Variants in COX4I1 observed in about 807,000 individuals in gnomAD.
The protein encoded by COX4I1 is cytochrome c oxidase subunit 4I1, also known as cytochrome c oxidase subunit 4 isoform 1, mitochondrial.
Under a neutral mutation model 21.7 loss-of-function variants are expected in COX4I1, and 18 were observed. The observed-to-expected ratio is 0.83, with a 90% CI of 0.57 to 1.23. COX4I1 has a LOEUF of 1.23. COX4I1 is among the 50% of genes most tolerant of loss of function. COX4I1 has a pLI of 0.00. For missense variants in COX4I1, 238 were observed against 220.7 expected, an observed-to-expected ratio of 1.08 and a Z score of -0.50; for synonymous variants, 100 against 81.5, an observed-to-expected ratio of 1.23 and a Z score of -1.23.
intron 4 of COX4I1, chr16:85,806,525 T>G (rs1377620826): frequency 4.0e-6 from 3 of 741,812 alleles, no homozygotes; most frequent in Non-Finnish European, 7.1e-6. Context: ...GCTTTTAGCT[T>G]ATTTTGTTGC....
chr16:85,800,339 T>C (rs958951965), intron 1 of COX4I1, among the ~76,000 whole-genome samples: 1 of 152,206 alleles, frequency 6.6e-6, no homozygotes, highest in Non-Finnish European at 1.5e-5. Context: ...TTGATGGGCC[T>C]GAATAGAGGA....
intron 2 of COX4I1, chr16:85,804,264 G>A (rs1240957281): frequency 6.6e-6 from 1 of 152,250 alleles, no homozygotes; most frequent in Non-Finnish European, 1.5e-5. Flanking sequence ...TCATTAGTTT[G>A]AGTCCCTTGC....
chr16:85,801,347 C>A, intron 2 of COX4I1, 69 bp downstream of exon 2: 2 of 1,394,396 alleles, frequency 1.4e-6, no homozygotes, highest in Non-Finnish European at 2.0e-6. Context: ...GTGTATAAAG[C>A]CCTGTGCTGG....
chr16:85,800,532 C>T (rs1053850324), intron 1 of COX4I1, among the ~76,000 whole-genome samples: 1 of 152,232 alleles, frequency 6.6e-6, no homozygotes. Flanking sequence ...CACCTCCCCC[C>T]ACCGCTCCCT....
Position 85,807,012 on chromosome 16 carries a change from A to T in COX4I1, c.*138A>T. The T allele has an allele frequency of 2.3e-6, 2 of 872,692 alleles. No homozygotes were observed. Among genetic ancestry groups the T allele is most frequent in the Non-Finnish European group, 3.5e-6 (2 of 576,240 alleles). 54.1% of individuals were successfully genotyped at this position (872,692 alleles called of 1,614,324 possible). A position where few individuals can be genotyped will look rare whatever the true frequency, so the allele number is the denominator to read the frequency against. ...ACCAGTTTACCTGAAACCCTTTGTG[A>T]TCAGTTCTTTAATGATACCTAAATG... On this transcript the variant is annotated 3_prime_UTR_variant, in exon 5 of 5. Transcript: ENST00000253452.
intron 1 of COX4I1, among the ~76,000 whole-genome samples, chr16:85,800,133 T>C (rs1340075746): frequency 1.3e-5 from 2 of 151,924 alleles, no homozygotes; most frequent in African/African-American, 4.8e-5. Flanking sequence ...TTTGCGGGGC[T>C]CCCGGGCGGC....
At chr16:85,804,598 C>G (rs996340273) in intron 2 of COX4I1, 1 of 179,824 alleles carries the variant, frequency 5.6e-6, no homozygotes, top group African/African-American at 2.4e-5. Context: ...CATCGTGATC[C>G]GCCTGCCTGG....
chr16:85,803,409 A>G (rs919322305), intron 2 of COX4I1: 3 of 152,228 alleles, frequency 2.0e-5, no homozygotes, highest in African/African-American at 7.2e-5. Context: ...TGTTCACATG[A>G]TTTGGGTGAT....
chr16:85,805,141 C>G, intron 3 of COX4I1, 37 bp downstream of exon 3: 2 of 1,583,762 alleles, frequency 1.3e-6, no homozygotes, highest in Admixed American at 3.6e-5. Context: ...CGCCCAGCAG[C>G]TCTCGGAAGC....
rs11557187 is a variant in COX4I1, at chr16:85,801,212, G to A, written c.7G>A (p.Ala3Thr). The A allele has an allele frequency of 0.067, 107,786 of 1,604,934 alleles. 5,401 individuals carry two copies. Among genetic ancestry groups the A allele is most frequent in the East Asian group, 0.29 (13,028 of 44,574 alleles). Residue 3 changes from alanine (A) to threonine (T), a missense_variant, in exon 2 of 5, where the codon GCT (alanine) becomes ACT (threonine). Coordinates refer to ENST00000253452, the MANE Select transcript of COX4I1 (RefSeq NM_001861.6). ML[A>T]TRVFSLVGKR... ...TACATTTTTATCTTTCAGAATGTTG[G>A]CTACCAGGGTATTTAGCCTAGTTGG... is the stretch of plus-strand genomic sequence containing the variant.
chr16:85,806,292 G>C, intron 4 of COX4I1: 1 of 606,530 alleles, frequency 1.6e-6, no homozygotes, highest in South Asian at 2.0e-5. Flanking sequence ...TAGTTTGTGT[G>C]TGGGCATTGC....
rs566138523 is a variant in COX4I1, at chr16:85,804,860, C to T, written c.74-77C>T. On this transcript the variant is annotated intron_variant, in intron 2 of 4. Coordinates refer to ENST00000253452, the MANE Select transcript of COX4I1 (RefSeq NM_001861.6). ...TCAAGGCGTGCACATGTCTGTGTTT[C>T]GGTTTTCAGAAGTATCACCTTGGGG... is the stretch of plus-strand genomic sequence containing the variant. The T allele has an allele frequency of 2.4e-5, 32 of 1,349,910 alleles. No homozygotes were observed. The South Asian group carries it at 2.5e-4, about 10-fold the overall frequency. The allele number at this position is 1,349,910 out of a possible 1,614,324, so 83.6% of individuals were successfully genotyped here.
At chr16:85,802,737 TTC>T (rs1273055207) in intron 2 of COX4I1, among the ~76,000 whole-genome samples, 1 of 152,182 alleles carries the variant, frequency 6.6e-6, no homozygotes, top group Non-Finnish European at 1.5e-5. Context: ...GTCTTTGTTT[TTC>T]TCTCTCTCTA....
At chr16:85,801,073 T>C (rs1306873878) in intron 1 of COX4I1, 132 bp from the exon 2 acceptor site, 4 of 651,798 alleles carry the variant, frequency 6.1e-6, no homozygotes, top group South Asian at 3.9e-5. Context: ...TCAGAGACAG[T>C]GATAAAGAAT....
In COX4I1 at chr16:85,801,216, C is replaced by G; in HGVS notation, c.11C>G (p.Thr4Ser). The change falls in exon 2 of 5, where the codon ACC becomes AGC. Residue 4 changes from threonine to serine, a missense_variant. Coordinates refer to ENST00000253452, the MANE Select transcript of COX4I1 (RefSeq NM_001861.6). MLA[T>S]RVFSLVGKRA... is the part of the protein sequence containing the mutation. ...TTTTTATCTTTCAGAATGTTGGCTACCAGGGTATTTAGCCTAGTTGGCAAG... is the reference window on the plus strand; with the variant it reads ...TTTTTATCTTTCAGAATGTTGGCTAGCAGGGTATTTAGCCTAGTTGGCAAG... 2.5e-6 allele frequency: 4 copies of G among 1,608,078 alleles called. No individual in the cohort carries two copies. The highest frequency in any genetic ancestry group is 2.2e-5 in the East Asian group (1 of 44,704).
chr16:85,805,784 A>AC lies in COX4I1; in HGVS notation c.294dup (p.Glu99ArgfsTer36). 3 of 1,614,258 alleles carry AC rather than the reference A, an allele frequency of 1.9e-6. No homozygotes were observed. Among genetic ancestry groups the AC allele is most frequent in the Non-Finnish European group, 2.5e-6 (3 of 1,180,046 alleles). On this transcript the variant is annotated frameshift_variant, in exon 4 of 5. Transcript: ENST00000253452. LOFTEE classifies it high-confidence loss of function. ...TTTGCTGAGATGAACAGGGGCTCGA[A>AC]CGAGTGGAAGACGGTTGTGGGCGGT...
intron 2 of COX4I1, among the ~76,000 whole-genome samples, chr16:85,802,040 G>C (rs1449379984): frequency 6.6e-6 from 1 of 152,000 alleles, no homozygotes; most frequent in Non-Finnish European, 1.5e-5. Flanking sequence ...CATTGCCTTA[G>C]TAGAGTCTAC....
chr16:85,801,436 A>G (rs951966614), intron 2 of COX4I1, among the ~76,000 whole-genome samples, 158 bp downstream of exon 2: 1 of 152,190 alleles, frequency 6.6e-6, no homozygotes, highest in Middle Eastern at 3.2e-3. Context: ...GTTCTAGATT[A>G]AGAAGTGTTT....
chr16:85,801,696 G>A (rs1447126148), intron 2 of COX4I1, among the ~76,000 whole-genome samples: 2 of 152,086 alleles, frequency 1.3e-5, no homozygotes, highest in Non-Finnish European at 2.9e-5. Flanking sequence ...CCTGAGCTGG[G>A]TTTTCATCTC....
Sources: allele counts gnomAD v4.1 joint callset (sites outside exome capture counted in the v4.1 genomes callset), GRCh38; gene constraint gnomAD v4.1.1; transcripts MANE v1.5; gene names NCBI Gene and HGNC (gene_info 2026-07-23, HGNC 2026-07-21).